Variants in PLPP3 observed in about 807,000 individuals in gnomAD.
PLPP3 encodes PAP2 beta.
Under a neutral mutation model 29.6 loss-of-function variants are expected in PLPP3, and 6 were observed. The ratio of observed to expected loss-of-function variants is 0.20; its 90% CI spans 0.11 to 0.40. PLPP3 has a LOEUF of 0.40. PLPP3 is among the 10% of genes least tolerant of loss of function. The probability of loss-of-function intolerance (pLI) is 1.00; values close to 1 mark genes in which losing one functional copy is unlikely to be tolerated. For synonymous variants in PLPP3, 152 were observed against 159.7 expected (o/e 0.95, Z 0.36); for missense variants, 308 against 407.7 (o/e 0.76, Z 2.11).
intron 1 of PLPP3, among the ~76,000 whole-genome samples, chr1:56,549,614 C>T (rs891319578): frequency 6.6e-6 from 1 of 152,160 alleles, no homozygotes; most frequent in South Asian, 2.1e-4. Flanking sequence ...TCCATAGCAT[C>T]TTTACGTGAT....
intron 5 of PLPP3, among the ~76,000 whole-genome samples, chr1:56,505,574 AC>A (rs1174700292): frequency 6.6e-6 from 1 of 152,222 alleles, no homozygotes; most frequent in Non-Finnish European, 1.5e-5. Flanking sequence ...CAACATGGAA[AC>A]AACCAGCATG....
At chr1:56,558,506 T>G (rs1237999096) in intron 1 of PLPP3, among the ~76,000 whole-genome samples, 3 of 152,262 alleles carry the variant, frequency 2.0e-5, no homozygotes, top group Admixed American at 6.5e-5. Flanking sequence ...GGTAGCACTC[T>G]CTTATGCATT....
At chr1:56,544,631 A>C (rs1645993488) in intron 1 of PLPP3, among the ~76,000 whole-genome samples, 1 of 152,248 alleles carries the variant, frequency 6.6e-6, no homozygotes. Context: ...TTGTTTCAGT[A>C]TCCACTCTGA....
At chr1:56,543,984 C>T (rs1645988214) in intron 1 of PLPP3, among the ~76,000 whole-genome samples, 1 of 152,140 alleles carries the variant, frequency 6.6e-6, no homozygotes, top group African/African-American at 2.4e-5. Context: ...TTCCTAAGTA[C>T]TGAGTACTGT....
chr1:56,524,402 G>C lies in PLPP3; in HGVS notation c.450C>G (p.Ser150=), dbSNP rs766245772. The C allele has an allele frequency of 6.2e-7, 1 of 1,614,112 alleles. No individual in the cohort carries two copies. The highest frequency in any genetic ancestry group is 8.5e-7 in the Non-Finnish European group (1 of 1,179,966). The part of the protein sequence containing the change: ...SQSFTDIAKV[S]IGRLRPHFLS... ...AGAAGTGAGGACGCAGGCGCCCTATGGACACTTTGGCAATGTCTGTGAAAG... is the reference window on the plus strand; with the variant it reads ...AGAAGTGAGGACGCAGGCGCCCTATCGACACTTTGGCAATGTCTGTGAAAG... The change falls in exon 3 of 6, where the codon TCC becomes TCG. Residue 150 remains serine, a synonymous_variant. Coordinates refer to ENST00000371250, the MANE Select transcript of PLPP3 (RefSeq NM_003713.5). This position sits in a 1 kb window ranked among gnomAD's most constrained non-coding sequence, Gnocchi z 4.3.
intron 1 of PLPP3, among the ~76,000 whole-genome samples, chr1:56,562,519 AT>A (rs2100299001): frequency 6.6e-6 from 1 of 152,266 alleles, no homozygotes; most frequent in East Asian, 1.9e-4. Context: ...AACAAAAAAA[AT>A]ATTCATTGTA....
At chr1:56,572,767 A>G (rs749184856) in intron 1 of PLPP3, among the ~76,000 whole-genome samples, 13 of 152,216 alleles carry the variant, frequency 8.5e-5, no homozygotes, top group Non-Finnish European at 1.6e-4. Context: ...ATTCGACTCT[A>G]TGAAGAACAA....
At chr1:56,559,442 AGGTCTC>A (rs1646106393) in intron 1 of PLPP3, among the ~76,000 whole-genome samples, 1 of 151,818 alleles carries the variant, frequency 6.6e-6, no homozygotes, top group Non-Finnish European at 1.5e-5. Context: ...TTAAGAGACT[AGGTCTC>A]ACTATGTTGC....
intron 5 of PLPP3, among the ~76,000 whole-genome samples, chr1:56,501,705 C>T (rs1645669203): frequency 6.6e-6 from 1 of 151,992 alleles, no homozygotes; most frequent in Non-Finnish European, 1.5e-5. Flanking sequence ...TGAGTACACA[C>T]AAACAAGACA....
rs142376386 is a variant in PLPP3 at position 56,568,403 on chromosome 1, C to A, written c.139+10475G>T. 4.7e-4 allele frequency among the ~76,000 whole-genome samples: 72 copies of A among 152,296 alleles called. No individual in the cohort carries two copies. In the East Asian group the frequency reaches 0.013, roughly 28 times the overall value. On this transcript the variant is annotated intron_variant, in intron 1 of 5. Transcript: ENST00000371250. ...TTCTCTAAGCCAAGAGGATTTATAG[C>A]CCACTTATTTTAAGGGGCATTTGAG... is the stretch of plus-strand genomic sequence containing the variant.
chr1:56,574,017 T>C (rs1646218251), intron 1 of PLPP3, among the ~76,000 whole-genome samples: 1 of 151,958 alleles, frequency 6.6e-6, no homozygotes, highest in African/African-American at 2.4e-5. Context: ...TTGGCTAACA[T>C]GGTGAAACCC....
At chr1:56,532,954 C>G (rs147327180) in intron 2 of PLPP3, among the ~76,000 whole-genome samples, 1 of 152,058 alleles carries the variant, frequency 6.6e-6, no homozygotes, top group South Asian at 2.1e-4. Context: ...GAGACAGCTA[C>G]GGAATGCTTC....
intron 1 of PLPP3, among the ~76,000 whole-genome samples, chr1:56,558,112 A>G (rs1335893183): frequency 6.6e-6 from 1 of 152,112 alleles, no homozygotes; most frequent in African/African-American, 2.4e-5. Context: ...GGGAGGGAGG[A>G]GAGGGAGTAT....
At chr1:56,509,883 T>A (rs1645728496) in intron 5 of PLPP3, among the ~76,000 whole-genome samples, 1 of 146,730 alleles carries the variant, frequency 6.8e-6, no homozygotes, top group African/African-American at 2.5e-5. Context: ...ATCAGAATGG[T>A]ACCAGCAGAG....
chr1:56,579,194 G>T lies in PLPP3; in HGVS notation c.-178C>A. The T allele has an allele frequency of 1.4e-6, 1 of 725,522 alleles. No individual in the cohort carries two copies. The highest frequency in any genetic ancestry group is 2.1e-6 in the Non-Finnish European group (1 of 474,202). 44.9% of individuals were successfully genotyped at this position (725,522 alleles called of 1,614,324 possible). On this transcript the variant is annotated 5_prime_UTR_variant, in exon 1 of 6. Transcript: ENST00000371250. The stretch of plus-strand genomic sequence containing the variant: ...GGCTGCCTGCCTCCAACTGCAGAAG[G>T]TGGTGTTTTCTGCTCCTCCTGCGCG...
intron 1 of PLPP3, among the ~76,000 whole-genome samples, chr1:56,567,862 T>G (rs1003790945): frequency 6.6e-6 from 1 of 152,210 alleles, no homozygotes; most frequent in Non-Finnish European, 1.5e-5. Context: ...GCAGCACTAT[T>G]CATAATGGCC....
chr1:56,569,798 T>G (rs1414444309), intron 1 of PLPP3, among the ~76,000 whole-genome samples: 1 of 152,122 alleles, frequency 6.6e-6, no homozygotes, highest in Non-Finnish European at 1.5e-5. Context: ...AATATTGACA[T>G]TCCAGCCTCC....
intron 4 of PLPP3, chr1:56,512,594 A>C (rs1393249562): frequency 6.5e-6 from 1 of 153,014 alleles, no homozygotes; most frequent in Non-Finnish European, 1.5e-5. Context: ...TCTGGGCAAC[A>C]GAGTGAGACT....
chr1:56,559,563 T>A (rs1646107336), intron 1 of PLPP3, among the ~76,000 whole-genome samples: 1 of 151,484 alleles, frequency 6.6e-6, no homozygotes, highest in African/African-American at 2.4e-5. Flanking sequence ...TGAATTTTTT[T>A]TTTTTTTTTA....
Sources: gnomAD v4.1 joint callset for allele counts (sites outside exome capture counted in the v4.1 genomes callset) on GRCh38, gnomAD v4.1.1 for gene constraint, Gnocchi (gnomAD v3.1) non-coding constraint, MANE v1.5 for transcripts, NCBI Gene and HGNC (gene_info 2026-07-23, HGNC 2026-07-21) for gene names.